SLC22A17: variants seen among roughly 807,000 people sequenced by gnomAD.
The protein encoded by SLC22A17 is solute carrier family 22 member 17, also known as 24p3 receptor.
A neutral mutation model predicts 53.6 loss-of-function variants in SLC22A17; 38 were observed. The observed-to-expected ratio is 0.71, with a 90% CI of 0.55 to 0.93. SLC22A17 has a LOEUF of 0.93. Among genes scored for constraint, SLC22A17 ranks in the 40% least tolerant of loss-of-function variants. SLC22A17 has a pLI of 0.00. For synonymous variants in SLC22A17, 379 were observed against 353.0 expected (o/e 1.07, Z -0.82); for missense variants, 704 against 791.0 (o/e 0.89, Z 1.32).
At position 23,348,329 on chromosome 14, in the gene SLC22A17, A is replaced by G; in HGVS notation, c.1026-23T>C. 6.2e-7 allele frequency: 1 copy of G among 1,613,198 alleles called. No individual in the cohort carries two copies. Among genetic ancestry groups the G allele is most frequent in the South Asian group, 1.1e-5 (1 of 91,000 alleles). On this transcript the variant is annotated intron_variant, in intron 5 of 9. Transcript: ENST00000397267. This position sits in a 1 kb window ranked among gnomAD's most constrained non-coding sequence, Gnocchi z 4.5. ...CAGCTGGGGGCAGGGGGGAAGGGGT[A>G]TACTGTGAGGCCTCCCTTCTCCTGA...
chr14:23,351,663 C>T, intron 3 of SLC22A17, 89 bp downstream of exon 3: 1 of 1,111,120 alleles, frequency 9.0e-7, no homozygotes, highest in Non-Finnish European at 1.3e-6. Context: ...AGCGAATCGT[C>T]TTCGACCTCC....
At chr14:23,346,712 C>CGCA in exon 10 of SLC22A17, 1 of 1,544,192 alleles carries the variant, frequency 6.5e-7, no homozygotes, top group Non-Finnish European at 8.7e-7. Flanking sequence ...GGGTGGCTGC[C>CGCA]GCAGCAGGGA....
intron 3 of SLC22A17, chr14:23,351,067 G>C (rs554406452): frequency 6.6e-6 from 1 of 152,364 alleles, no homozygotes; most frequent in East Asian, 1.9e-4. Context: ...TGTGGGAAGA[G>C]TTATTGGTTG....
Position 23,347,941 on chromosome 14 carries a change from G to A in SLC22A17, c.1227C>T (p.Leu409=). ...TTTTCCAGATGTTGCGGTAGTTGAGGAGGGAAGCAAAGGAAAAGGAGGATG... is the reference window on the plus strand; with the variant it reads ...TTTTCCAGATGTTGCGGTAGTTGAGAAGGGAAGCAAAGGAAAAGGAGGATG... The change falls in exon 7 of 10, where the codon CTC becomes CTT. Residue 409 remains leucine, a synonymous_variant. Coordinates refer to ENST00000397267, the Ensembl canonical transcript of SLC22A17. The surrounding 1 kb of genome is among the most constrained non-coding windows in gnomAD (Gnocchi z 5.1). 1 of 1,614,170 alleles carries A rather than the reference G, an allele frequency of 6.2e-7. No individual in the cohort carries two copies. Among genetic ancestry groups the A allele is most frequent in the Non-Finnish European group, 8.5e-7 (1 of 1,180,016 alleles).
rs538161284 is a variant in SLC22A17, at chr14:23,352,287, C to T, written c.261G>A (p.Val87=). The T allele has an allele frequency of 1.0e-5, 14 of 1,405,586 alleles. No individual in the cohort carries two copies. The highest frequency in any genetic ancestry group is 1.3e-5 in the Non-Finnish European group (14 of 1,081,506). The allele number at this position is 1,405,586 out of a possible 1,614,324, so 87.1% of individuals were successfully genotyped here. Residue 87 remains valine (V), a synonymous_variant, in exon 2 of 10, where the codon GTG becomes GTA. Coordinates refer to ENST00000397267, the Ensembl canonical transcript of SLC22A17. The surrounding 1 kb of genome is among the most constrained non-coding windows in gnomAD (Gnocchi z 7.2). Reference sequence around the variant, plus strand: ...GCTGCTGGCCGCCGCCCAGCGCCCCCACCTGGGCGAGCAGCGCCTCAAAGC... The same window carrying T: ...GCTGCTGGCCGCCGCCCAGCGCCCCTACCTGGGCGAGCAGCGCCTCAAAGC...
chr14:23,351,926 G>C, intron 2 of SLC22A17, 22 bp downstream of exon 2: 1 of 1,611,626 alleles, frequency 6.2e-7, no homozygotes, highest in Non-Finnish European at 8.5e-7. Flanking sequence ...CCCCAGACCC[G>C]CGGCCCGCCT....
At chr14:23,346,744 G>C in exon 10 of SLC22A17, 1 of 1,545,324 alleles carries the variant, frequency 6.5e-7, no homozygotes, top group Non-Finnish European at 8.7e-7. Flanking sequence ...ACAGCTCCCC[G>C]TCCCGGAGCA....
rs1016820649 is a variant in SLC22A17 at position 23,348,844 on chromosome 14, T to C, written c.860-173A>G. On this transcript the variant is annotated intron_variant, in intron 4 of 9. Coordinates refer to ENST00000397267, the Ensembl canonical transcript of SLC22A17. This position sits in a 1 kb window ranked among gnomAD's most constrained non-coding sequence, Gnocchi z 4.5. ...TGGGTGGCAAGGACTGGGGAGACTG[T>C]TCAGCCCTCTCTCCTCTCCTGCTCA... The C allele has an allele frequency of 2.9e-6, 2 of 683,416 alleles. No homozygotes were observed. Among genetic ancestry groups the C allele is most frequent in the East Asian group, 5.5e-5 (2 of 36,528 alleles). 42.3% of individuals were successfully genotyped at this position (683,416 alleles called of 1,614,324 possible). A position where few individuals can be genotyped will look rare whatever the true frequency, so the allele number is the denominator to read the frequency against.
Position 23,348,562 on chromosome 14 carries a change from A to G in SLC22A17, c.969T>C (p.Asp323=). 1 of 1,614,076 alleles carries G rather than the reference A, an allele frequency of 6.2e-7. No individual in the cohort carries two copies. Among genetic ancestry groups the G allele is most frequent in the Middle Eastern group, 1.6e-4 (1 of 6,062 alleles). Residue 323 remains aspartate, a synonymous_variant, in exon 5 of 10, where the codon GAT becomes GAC. Coordinates refer to ENST00000397267, the Ensembl canonical transcript of SLC22A17. This position sits in a 1 kb window ranked among gnomAD's most constrained non-coding sequence, Gnocchi z 4.5. ...TGATCATTCGCTGTAGGAATCGCCAATCCTTAGAGACAAGGGCCAGGCCCA... is the reference window on the plus strand; with the variant it reads ...TGATCATTCGCTGTAGGAATCGCCAGTCCTTAGAGACAAGGGCCAGGCCCA...
At position 23,352,635 on chromosome 14, in the gene SLC22A17, C is replaced by T. The variant is rs926566472; in HGVS notation, c.96+11G>A. On this transcript the variant is annotated intron_variant, in intron 1 of 9. Coordinates refer to ENST00000397267, the Ensembl canonical transcript of SLC22A17. This position sits in a 1 kb window ranked among gnomAD's most constrained non-coding sequence, Gnocchi z 7.2. The stretch of plus-strand genomic sequence containing the variant: ...GAGGATGGCGTCGCCACCTGGGGCT[C>T]GGGCACTTACTCCGTTGGAGGTGGG... The T allele has an allele frequency of 2.4e-6, 1 of 409,400 alleles. No homozygotes were observed. Among genetic ancestry groups the T allele is most frequent in the African/African-American group, 2.1e-5 (1 of 48,628 alleles). 25.4% of individuals were successfully genotyped at this position (409,400 alleles called of 1,614,324 possible).
rs1889713376 is a variant in SLC22A17, at chr14:23,352,595, G to A, written c.96+51C>T. The A allele has an allele frequency of 4.8e-6, 2 of 417,084 alleles. No individual in the cohort carries two copies. Among genetic ancestry groups the A allele is most frequent in the Non-Finnish European group, 4.2e-6 (1 of 239,090 alleles). 25.8% of individuals were successfully genotyped at this position (417,084 alleles called of 1,614,324 possible). On this transcript the variant is annotated intron_variant, in intron 1 of 9. Transcript: ENST00000397267. The surrounding 1 kb of genome is among the most constrained non-coding windows in gnomAD (Gnocchi z 7.2). ...GGAAAATGCCAGACGCTCCGCGGGG[G>A]CGGGGGTGCTGGGAGAGGATGGCGT...
In SLC22A17 at chr14:23,349,250, A is replaced by G. The variant is rs746116653; in HGVS notation, c.859+22T>C. 3 of 1,613,434 alleles carry G rather than the reference A, an allele frequency of 1.9e-6. No individual in the cohort carries two copies. In the Admixed American group the frequency reaches 5.0e-5, roughly 27 times the overall value. ...GTAGGCATGAGACCCAAGGGAGGGA[A>G]TTCTGGGAGGGTGCCACTTACGCAT... On this transcript the variant is annotated intron_variant, in intron 4 of 9. Coordinates refer to ENST00000397267, the Ensembl canonical transcript of SLC22A17.
At position 23,348,189 on chromosome 14, in the gene SLC22A17, C is replaced by G; in HGVS notation, c.1143G>C (p.Leu381=). 6.2e-7 allele frequency: 1 copy of G among 1,614,134 alleles called. No individual in the cohort carries two copies. The highest frequency in any genetic ancestry group is 8.5e-7 in the Non-Finnish European group (1 of 1,179,998). The change falls in exon 6 of 10, where the codon CTG becomes CTC. Residue 381 remains leucine (L), a synonymous_variant. Transcript: ENST00000397267. This position sits in a 1 kb window ranked among gnomAD's most constrained non-coding sequence, Gnocchi z 4.5. Reference sequence around the variant, plus strand: ...GCAGGGCCTCCTGGGCCTCCTCCCCCAGCATCTGCCCATGGGGCCGGTTTC... The same window carrying G: ...GCAGGGCCTCCTGGGCCTCCTCCCCGAGCATCTGCCCATGGGGCCGGTTTC...
Position 23,348,596 on chromosome 14 carries a change from A to G in SLC22A17, c.935T>C (p.Phe312Ser). 6.2e-7 allele frequency: 1 copy of G among 1,614,032 alleles called. No individual in the cohort carries two copies. Among genetic ancestry groups the G allele is most frequent in the Non-Finnish European group, 8.5e-7 (1 of 1,179,992 alleles). The change falls in exon 5 of 10, where the codon TTC becomes TCC. Residue 312 changes from phenylalanine to serine, a missense_variant. Phe to Ser is a radical substitution (Grantham distance 155, BLOSUM62 -2). Transcript: ENST00000397267. The surrounding 1 kb of genome is among the most constrained non-coding windows in gnomAD (Gnocchi z 4.5). ...GACAAGGGCCAGGCCCAGGAACAGG[A>G]AGTGCCCTCCCACCCCCACCAACTC...
At chr14:23,346,813 G>A (rs1482150265) in exon 10 of SLC22A17, 3 of 1,541,480 alleles carry the variant, frequency 1.9e-6, no homozygotes, top group African/African-American at 2.7e-5. Flanking sequence ...GAATGCAGAG[G>A]AGGGCGCAGG....
At position 23,348,607 on chromosome 14, in the gene SLC22A17, C is replaced by T. The variant is rs369650290; in HGVS notation, c.924G>A (p.Val308=). The T allele has an allele frequency of 7.4e-6, 12 of 1,613,940 alleles. No individual in the cohort carries two copies. Among genetic ancestry groups the T allele is most frequent in the Middle Eastern group, 1.6e-4 (1 of 6,074 alleles). ...GGCCCAGGAACAGGAAGTGCCCTCC[C>T]ACCCCCACCAACTCCCCTGCCAGGG... The change falls in exon 5 of 10, where the codon GTG becomes GTA. Residue 308 remains valine, a synonymous_variant. Transcript: ENST00000397267. This position sits in a 1 kb window ranked among gnomAD's most constrained non-coding sequence, Gnocchi z 4.5.
chr14:23,349,421 C>T, exon 4 of SLC22A17: 1 of 1,611,848 alleles, frequency 6.2e-7, no homozygotes. Context: ...CCCGCGACGG[C>T]CAAATCTAGA....
Position 23,352,275 on chromosome 14 carries a change from G to T in SLC22A17, c.273C>A (p.Gly91=). The change falls in exon 2 of 10, where the codon GGC becomes GGA. Residue 91 remains glycine (G), a synonymous_variant. Transcript: ENST00000397267. This position sits in a 1 kb window ranked among gnomAD's most constrained non-coding sequence, Gnocchi z 7.2. ...GGCCGAGCTGCAGCTGCTGGCCGCC[G>T]CCCAGCGCCCCCACCTGGGCGAGCA... is the stretch of plus-strand genomic sequence containing the variant. 1.4e-6 allele frequency: 2 copies of T among 1,414,904 alleles called. No homozygotes were observed. Among genetic ancestry groups the T allele is most frequent in the Non-Finnish European group, 1.8e-6 (2 of 1,087,664 alleles). The allele number at this position is 1,414,904 out of a possible 1,614,324, so 87.6% of individuals were successfully genotyped here.
Position 23,348,571 on chromosome 14 carries a change from G to A in SLC22A17, c.960C>T (p.Val320=). Residue 320 remains valine (V), a synonymous_variant, in exon 5 of 10, where the codon GTC becomes GTT. Transcript: ENST00000397267. The surrounding 1 kb of genome is among the most constrained non-coding windows in gnomAD (Gnocchi z 4.5). ...GCTGTAGGAATCGCCAATCCTTAGA[G>A]ACAAGGGCCAGGCCCAGGAACAGGA... is the stretch of plus-strand genomic sequence containing the variant. 1 of 1,614,136 alleles carries A rather than the reference G, an allele frequency of 6.2e-7. No homozygotes were observed. The highest frequency in any genetic ancestry group is 8.5e-7 in the Non-Finnish European group (1 of 1,179,994).
Sources: gnomAD v4.1 joint callset for allele counts on GRCh38, gnomAD v4.1.1 for gene constraint, Gnocchi (gnomAD v3.1) non-coding constraint, MANE v1.5 for transcripts, NCBI Gene and HGNC (gene_info 2026-07-23, HGNC 2026-07-21) for gene names.